Variants in SLC2A13 observed in about 807,000 individuals in gnomAD.
SLC2A13 encodes solute carrier family 2 member 13, also known as proton myo-inositol cotransporter.
In SLC2A13, 32 loss-of-function variants were observed where a neutral mutation model predicts 64.4. The ratio of observed to expected loss-of-function variants is 0.50; its 90% CI spans 0.37 to 0.67. The LOEUF is 0.67. SLC2A13 is among the 30% of genes least tolerant of loss of function. SLC2A13 has a pLI of 0.00. For missense variants in SLC2A13, 743 were observed against 829.2 expected, an observed-to-expected ratio of 0.90 and a Z score of 1.28; for synonymous variants, 338 against 327.1, an observed-to-expected ratio of 1.03 and a Z score of -0.36.
chr12:40,073,206 A>T (rs1938030068), intron 1 of SLC2A13, among the ~76,000 whole-genome samples: 1 of 134,072 alleles, frequency 7.5e-6, no homozygotes, highest in South Asian at 2.3e-4. Flanking sequence ...CATATAAATA[A>T]GCATAAACAT....
At chr12:39,944,533 G>A (rs773530386) in intron 4 of SLC2A13, among the ~76,000 whole-genome samples, 1 of 152,180 alleles carries the variant, frequency 6.6e-6, no homozygotes, top group Non-Finnish European at 1.5e-5. Context: ...TCCAGTGTTA[G>A]GTGCACATGT....
rs530782239 is a variant in SLC2A13 at position 39,787,564 on chromosome 12, T to C, written c.1446-22706A>G. ...TCTTAATCTTTTAATCACATTTTGA[T>C]ATACTTTTTTGGCTTCCTCTTCAGT... On this transcript the variant is annotated intron_variant, in intron 7 of 9. Coordinates refer to ENST00000280871, the MANE Select transcript of SLC2A13 (RefSeq NM_052885.4). Among the ~76,000 whole-genome samples the C allele has an allele frequency of 2.0e-5, 3 of 152,314 alleles. 1 individual carries two copies. In the South Asian group the frequency reaches 6.2e-4, roughly 32 times the overall value.
At chr12:39,899,117 C>T (rs1945010959) in intron 4 of SLC2A13, among the ~76,000 whole-genome samples, 1 of 151,918 alleles carries the variant, frequency 6.6e-6, no homozygotes, top group African/African-American at 2.4e-5. Context: ...GTCCTGGACT[C>T]TTTTTGGTTG....
intron 3 of SLC2A13, among the ~76,000 whole-genome samples, chr12:40,017,759 G>A (rs1947642765): frequency 6.6e-6 from 1 of 152,116 alleles, no homozygotes; most frequent in Non-Finnish European, 1.5e-5. Flanking sequence ...CTGTGGCTGG[G>A]CCTTGAAGAA....
intron 5 of SLC2A13, among the ~76,000 whole-genome samples, chr12:39,865,920 T>A (rs1943897975): frequency 6.6e-6 from 1 of 152,210 alleles, no homozygotes; most frequent in Non-Finnish European, 1.5e-5. Flanking sequence ...AAACTACTTA[T>A]TGAGTAGTGT....
intron 3 of SLC2A13, among the ~76,000 whole-genome samples, chr12:40,023,303 G>A (rs1947753298): frequency 6.6e-6 from 1 of 152,212 alleles, no homozygotes; most frequent in South Asian, 2.1e-4. Context: ...TGGAGAGGAG[G>A]ATGACAGAGA....
intron 2 of SLC2A13, among the ~76,000 whole-genome samples, chr12:40,045,475 AT>A (rs1478792991): frequency 6.6e-6 from 1 of 150,872 alleles, no homozygotes; most frequent in Non-Finnish European, 1.5e-5. Flanking sequence ...TTCAATTTTT[AT>A]TTGCTTATAA....
chr12:39,796,030 C>T (rs538959261), intron 7 of SLC2A13, among the ~76,000 whole-genome samples: 13 of 152,108 alleles, frequency 8.5e-5, no homozygotes, highest in Non-Finnish European at 1.6e-4. Context: ...CATTAGCAGT[C>T]ACTCCCAAAC....
Position 39,755,678 on chromosome 12 carries a change from A to T in SLC2A13, c.*4348T>A, listed in dbSNP as rs1330932359. 1 of 152,088 alleles carries T rather than the reference A, an allele frequency of 6.6e-6. No homozygotes were observed. Among genetic ancestry groups the T allele is most frequent in the Non-Finnish European group, 1.5e-5 (1 of 67,892 alleles). 9.4% of individuals were successfully genotyped at this position (152,088 alleles called of 1,614,324 possible). A position where few individuals can be genotyped will look rare whatever the true frequency, so the allele number is the denominator to read the frequency against. ...ACTTCTTTTTCTCATTTATGCTGAC[A>T]TGACAAAATCAAACACATGAACTTA... is the stretch of plus-strand genomic sequence containing the variant. On this transcript the variant is annotated 3_prime_UTR_variant, in exon 10 of 10. Transcript: ENST00000280871.
chr12:39,794,663 T>A (rs1244781905), intron 7 of SLC2A13, among the ~76,000 whole-genome samples: 2 of 152,176 alleles, frequency 1.3e-5, no homozygotes, highest in Non-Finnish European at 2.9e-5. Context: ...GTACATCACT[T>A]TCCTTTTTCT....
intron 4 of SLC2A13, among the ~76,000 whole-genome samples, chr12:39,923,838 G>A (rs142043695): frequency 5.5e-4 from 84 of 151,464 alleles, no homozygotes; most frequent in Non-Finnish European, 1.1e-3. Flanking sequence ...TGCCTCCCTC[G>A]GAGCACATTA....
At chr12:40,049,940 C>T (rs538166745) in intron 1 of SLC2A13, among the ~76,000 whole-genome samples, 40 of 152,092 alleles carry the variant, frequency 2.6e-4, no homozygotes, top group African/African-American at 8.2e-4. Flanking sequence ...AATAATCTTA[C>T]GACTTTGAGT....
chr12:39,915,609 T>C (rs1357181548), intron 4 of SLC2A13, among the ~76,000 whole-genome samples: 1 of 151,984 alleles, frequency 6.6e-6, no homozygotes, highest in Non-Finnish European at 1.5e-5. Context: ...ACATTTATTG[T>C]CATTGTTCAC....
rs111823858 is a variant in SLC2A13 at position 39,774,651 on chromosome 12, AC to A, written c.1446-9794del. Among the ~76,000 whole-genome samples the A allele has an allele frequency of 7.2e-3, 1,086 of 151,214 alleles. 14 individuals carry two copies. The highest frequency in any genetic ancestry group is 0.025 in the African/African-American group (1,025 of 41,182). ...TTGTCATTTACAGACAAGATGAAAA[AC>A]CTATTCTTTTGTTAATTACTATTAT... On this transcript the variant is annotated intron_variant, in intron 7 of 9. Transcript: ENST00000280871.
At chr12:40,074,261 G>A (rs956786942) in intron 1 of SLC2A13, among the ~76,000 whole-genome samples, 15 of 151,024 alleles carry the variant, frequency 9.9e-5, no homozygotes, top group African/African-American at 3.7e-4. Flanking sequence ...CAAATCCTGA[G>A]CTCAAGGGAT....
chr12:39,929,266 T>C (rs916295110), intron 4 of SLC2A13, among the ~76,000 whole-genome samples: 22 of 151,862 alleles, frequency 1.4e-4, no homozygotes, highest in South Asian at 2.1e-4. Flanking sequence ...AAAGAAGACA[T>C]GGGAGGCTGG....
At chr12:40,072,440 A>G (rs149970153) in intron 1 of SLC2A13, among the ~76,000 whole-genome samples, 1 of 152,214 alleles carries the variant, frequency 6.6e-6, no homozygotes, top group African/African-American at 2.4e-5. Context: ...CAATGTCTGT[A>G]CTGATTTTCT....
intron 1 of SLC2A13, among the ~76,000 whole-genome samples, chr12:40,093,835 T>C (rs1427731090): frequency 6.6e-6 from 1 of 151,930 alleles, no homozygotes; most frequent in Non-Finnish European, 1.5e-5. Context: ...AAAGATCCCA[T>C]GGGGTGCTGC....
intron 6 of SLC2A13, among the ~76,000 whole-genome samples, chr12:39,830,861 A>G (rs979585773): frequency 1.3e-5 from 2 of 152,226 alleles, no homozygotes; most frequent in African/African-American, 4.8e-5. Flanking sequence ...AGAAGTAGGT[A>G]TAGAAACAAA....
Sources: allele counts gnomAD v4.1 joint callset (sites outside exome capture counted in the v4.1 genomes callset), GRCh38; gene constraint gnomAD v4.1.1; transcripts MANE v1.5; gene names NCBI Gene and HGNC (gene_info 2026-07-23, HGNC 2026-07-21).